GRIN2A: variants seen among roughly 807,000 people sequenced by gnomAD.
GRIN2A encodes the protein glutamate ionotropic receptor NMDA type subunit 2A.
A neutral mutation model predicts 113.4 loss-of-function variants in GRIN2A; 22 were observed. The observed-to-expected ratio is 0.19, with a 90% CI of 0.14 to 0.28. The LOEUF (loss-of-function observed/expected upper bound fraction) is 0.28. GRIN2A is among the 10% of genes least tolerant of loss of function. The pLI, the probability that GRIN2A is intolerant of heterozygous loss-of-function variation, is 1.00. For synonymous variants in GRIN2A, 827 were observed against 738.4 expected (o/e 1.12, Z -1.94); for missense variants, 1,502 against 1,887.0 (o/e 0.80, Z 3.78).
rs4781939 is a variant in GRIN2A, at chr16:9,850,000, C to T, written c.1123-39G>A. On this transcript the variant is annotated intron_variant, in intron 4 of 12. Coordinates refer to ENST00000330684, the MANE Select transcript of GRIN2A (RefSeq NM_001134407.3). ...ACAAAGACACAGCTGTGCTTTCTTC[C>T]GCCGCTGATTTCTGGAGAGGCAAAT... 1,409 of 1,559,226 alleles carry T rather than the reference C, an allele frequency of 9.0e-4. 5 individuals carry two copies. In the African/African-American group the frequency reaches 0.012, roughly 14 times the overall value.
intron 7 of GRIN2A, among the ~76,000 whole-genome samples, chr16:9,837,953 G>T (rs1444263910): frequency 6.6e-6 from 1 of 152,130 alleles, no homozygotes; most frequent in Non-Finnish European, 1.5e-5. Context: ...AGCTTAAATG[G>T]ATTATCAAAA....
At chr16:9,890,929 CT>C (rs2043681749) in intron 4 of GRIN2A, 56 bp downstream of exon 4, 2 of 1,086,092 alleles carry the variant, frequency 1.8e-6, no homozygotes, top group South Asian at 2.5e-5. Flanking sequence ...CTGTGAGCCC[CT>C]TTATTGCCCA....
chr16:9,939,813 T>A (rs984463449), intron 2 of GRIN2A, among the ~76,000 whole-genome samples: 3 of 152,122 alleles, frequency 2.0e-5, no homozygotes, highest in African/African-American at 7.2e-5. Context: ...GTGGACATGG[T>A]GCAAAAATGC....
chr16:9,869,429 T>C (rs1169697141), intron 4 of GRIN2A, among the ~76,000 whole-genome samples: 1 of 152,034 alleles, frequency 6.6e-6, no homozygotes, highest in East Asian at 1.9e-4. Flanking sequence ...CAAGACTCTG[T>C]CTCTAAATAA....
Position 9,902,689 on chromosome 16 carries a change from G to T in GRIN2A, c.1008-11589C>A, listed in dbSNP as rs186724742. Among the ~76,000 whole-genome samples the T allele has an allele frequency of 1.8e-4, 27 of 152,008 alleles. No individual in the cohort carries two copies. The East Asian group carries it at 5.0e-3, about 28-fold the overall frequency. ...TGCCCTCTCTGAAAAATGGGGGGGT[G>T]GTACCACACACTTCTTTATTTTTCC... On this transcript the variant is annotated intron_variant, in intron 3 of 12. Transcript: ENST00000330684.
At chr16:10,165,411 T>C (rs1292067810) in intron 2 of GRIN2A, among the ~76,000 whole-genome samples, 1 of 150,950 alleles carries the variant, frequency 6.6e-6, no homozygotes, top group Non-Finnish European at 1.5e-5. Context: ...GCCCTGATTC[T>C]CACAAAATCC....
chr16:9,816,602 T>A (rs192184930), intron 10 of GRIN2A, among the ~76,000 whole-genome samples: 1 of 152,274 alleles, frequency 6.6e-6, no homozygotes, highest in Non-Finnish European at 1.5e-5. Flanking sequence ...ACGCTTGCAG[T>A]TTTGCCCCCA....
chr16:10,079,711 C>T (rs1441942940), intron 2 of GRIN2A, among the ~76,000 whole-genome samples: 2 of 152,158 alleles, frequency 1.3e-5, no homozygotes, highest in Admixed American at 6.5e-5. Context: ...ACTTAAGCAG[C>T]CTACAGAACT....
intron 3 of GRIN2A, among the ~76,000 whole-genome samples, chr16:9,929,934 C>T (rs1315534089): frequency 6.6e-6 from 1 of 152,150 alleles, no homozygotes; most frequent in Non-Finnish European, 1.5e-5. Flanking sequence ...ACTTCTGGTC[C>T]TCCCAAGCTG....
rs577704560 is a variant in GRIN2A at position 10,032,617 on chromosome 16, G to A, written c.415-94066C>T. On this transcript the variant is annotated intron_variant, in intron 2 of 12. Coordinates refer to ENST00000330684, the MANE Select transcript of GRIN2A (RefSeq NM_001134407.3). ...CTATCATTATCCCCATTTCACAGAC[G>A]AGGAACTGAGGCACCAAGGAAAATG... Among the ~76,000 whole-genome samples the A allele has an allele frequency of 2.0e-5, 3 of 152,238 alleles. No homozygotes were observed. The South Asian group carries it at 6.2e-4, about 32-fold the overall frequency.
intron 2 of GRIN2A, among the ~76,000 whole-genome samples, chr16:10,094,356 A>T (rs7205594): frequency 0.41 from 63,040 of 151,990 alleles, 13,295 homozygotes; most frequent in African/African-American, 0.47. Flanking sequence ...TCTCTTAATA[A>T]CAGCTTCTTC....
intron 11 of GRIN2A, among the ~76,000 whole-genome samples, chr16:9,771,394 A>T (rs1285658410): frequency 6.6e-6 from 1 of 151,566 alleles, no homozygotes; most frequent in Non-Finnish European, 1.5e-5. Flanking sequence ...AATTTTATTT[A>T]TTTTAATTGT....
intron 2 of GRIN2A, among the ~76,000 whole-genome samples, chr16:10,012,905 A>C (rs1596415411): frequency 6.6e-6 from 1 of 152,280 alleles, no homozygotes; most frequent in East Asian, 1.9e-4. Context: ...TAAGCCAGTA[A>C]GTTTGCGGTA....
intron 2 of GRIN2A, among the ~76,000 whole-genome samples, chr16:10,115,317 C>T (rs1273151870): frequency 6.6e-6 from 1 of 152,020 alleles, no homozygotes; most frequent in Non-Finnish European, 1.5e-5. Flanking sequence ...TTTCTGGGGG[C>T]CTTCTTTAAA....
chr16:10,060,151 T>C (rs1243650575), intron 2 of GRIN2A, among the ~76,000 whole-genome samples: 2 of 151,922 alleles, frequency 1.3e-5, no homozygotes, highest in Non-Finnish European at 2.9e-5. Flanking sequence ...CTGGATAAAA[T>C]ATGTCCTTGC....
intron 2 of GRIN2A, among the ~76,000 whole-genome samples, chr16:10,163,329 G>A (rs62035794): frequency 2.0e-5 from 3 of 152,158 alleles, no homozygotes; most frequent in Non-Finnish European, 2.9e-5. Flanking sequence ...GCACATTTCT[G>A]TTTTCATATT....
intron 12 of GRIN2A, among the ~76,000 whole-genome samples, chr16:9,767,450 A>G (rs1379711444): frequency 1.3e-5 from 2 of 152,132 alleles, no homozygotes; most frequent in Non-Finnish European, 2.9e-5. Context: ...CATGTGCACA[A>G]CGTGCAGGTT....
At chr16:10,058,033 T>C (rs1044416156) in intron 2 of GRIN2A, among the ~76,000 whole-genome samples, 2 of 152,052 alleles carry the variant, frequency 1.3e-5, no homozygotes, top group African/African-American at 4.8e-5. Context: ...GGAGGGTGGA[T>C]CACTCGAGGT....
intron 3 of GRIN2A, among the ~76,000 whole-genome samples, chr16:9,915,970 C>T (rs1484914112): frequency 6.6e-6 from 1 of 152,192 alleles, no homozygotes; most frequent in East Asian, 1.9e-4. Context: ...GTTAATTAAT[C>T]AACATCTGTA....
Sources: allele counts gnomAD v4.1 joint callset (sites outside exome capture counted in the v4.1 genomes callset), GRCh38; gene constraint gnomAD v4.1.1; transcripts MANE v1.5; gene names NCBI Gene and HGNC (gene_info 2026-07-23, HGNC 2026-07-21).